FBXL17: variants seen among roughly 807,000 people sequenced by gnomAD.
FBXL17 encodes the protein F-box/LRR-repeat protein 17.
In FBXL17, 22 loss-of-function variants were observed where a neutral mutation model predicts 66.2. The observed-to-expected ratio is 0.33, with a 90% confidence interval of 0.24 to 0.47. The LOEUF (loss-of-function observed/expected upper bound fraction) is 0.47. Among genes scored for constraint, FBXL17 ranks in the 20% least tolerant of loss-of-function variants. The pLI is 1.00. For synonymous variants in FBXL17, 474 were observed against 400.5 expected (o/e 1.18, Z -2.19); for missense variants, 878 against 948.2 (o/e 0.93, Z 0.97).
chr5:108,149,073 T>C (rs907363169), intron 6 of FBXL17, among the ~76,000 whole-genome samples: 10 of 152,100 alleles, frequency 6.6e-5, no homozygotes, highest in African/African-American at 2.4e-4. Flanking sequence ...AAATGACAGG[T>C]TCTAATTATA....
intron 7 of FBXL17, among the ~76,000 whole-genome samples, chr5:107,938,534 A>C (rs1750985508): frequency 6.6e-6 from 1 of 152,162 alleles, no homozygotes; most frequent in African/African-American, 2.4e-5. Flanking sequence ...GATAAAAATA[A>C]ATACATTGTA....
chr5:108,175,356 G>A (rs905429748), intron 6 of FBXL17, among the ~76,000 whole-genome samples: 10 of 152,094 alleles, frequency 6.6e-5, no homozygotes, highest in African/African-American at 1.7e-4. Context: ...AGAGCCATGC[G>A]CTATAGATTC....
At chr5:107,951,125 C>G (rs1240517510) in intron 7 of FBXL17, among the ~76,000 whole-genome samples, 4 of 152,134 alleles carry the variant, frequency 2.6e-5, no homozygotes, top group African/African-American at 9.7e-5. Flanking sequence ...CAGGAGGTCA[C>G]AGGGTGCTGG....
chr5:108,074,628 C>A (rs753284520), intron 6 of FBXL17, among the ~76,000 whole-genome samples: 1 of 152,116 alleles, frequency 6.6e-6, no homozygotes. Flanking sequence ...AAGGAACACA[C>A]AAAAAAGGCA....
intron 4 of FBXL17, among the ~76,000 whole-genome samples, chr5:108,263,917 A>G (rs528103901): frequency 9.2e-5 from 14 of 152,264 alleles, no homozygotes; most frequent in South Asian, 4.1e-4. Context: ...TGCTTCTTTT[A>G]AAGAATCTCT....
At chr5:108,038,387 G>A (rs762843245) in intron 6 of FBXL17, among the ~76,000 whole-genome samples, 15 of 151,672 alleles carry the variant, frequency 9.9e-5, no homozygotes, top group Non-Finnish European at 1.9e-4. Context: ...GTTAAAATAC[G>A]CCAAAAAAAC....
chr5:108,347,387 C>T (rs572713926), intron 4 of FBXL17, among the ~76,000 whole-genome samples: 5 of 152,230 alleles, frequency 3.3e-5, no homozygotes, highest in South Asian at 2.1e-4. Flanking sequence ...ACTGTATGTA[C>T]GCTATTTTTC....
chr5:108,093,484 T>G (rs928270560), intron 6 of FBXL17, among the ~76,000 whole-genome samples: 2 of 152,140 alleles, frequency 1.3e-5, no homozygotes, highest in East Asian at 1.9e-4. Flanking sequence ...TAAAGAAGAT[T>G]TCCTTTGAAT....
intron 4 of FBXL17, among the ~76,000 whole-genome samples, chr5:108,320,962 C>T (rs865797916): frequency 2.0e-5 from 3 of 151,662 alleles, no homozygotes; most frequent in Non-Finnish European, 4.4e-5. Context: ...GCCAAATATC[C>T]GAAGTTAAAT....
At chr5:108,253,758 C>T (rs1266089765) in intron 4 of FBXL17, among the ~76,000 whole-genome samples, 1 of 151,994 alleles carries the variant, frequency 6.6e-6, no homozygotes, top group African/African-American at 2.4e-5. Flanking sequence ...TTTGGGAGGC[C>T]AAGGTGGATG....
intron 5 of FBXL17, among the ~76,000 whole-genome samples, chr5:108,209,129 T>C (rs1183984449): frequency 6.6e-6 from 1 of 152,200 alleles, no homozygotes; most frequent in Non-Finnish European, 1.5e-5. Context: ...TATTGGTGTA[T>C]AGGAATGCTT....
Position 107,950,359 on chromosome 5 carries a change from C to G in FBXL17, c.1823-69180G>C, listed in dbSNP as rs548337891. Among the ~76,000 whole-genome samples the G allele has an allele frequency of 3.2e-4, 49 of 151,972 alleles. 1 individual carries two copies. Among genetic ancestry groups the G allele is most frequent in the Non-Finnish European group, 8.8e-5 (6 of 68,002 alleles). ...AGTAATCTTTACAAATATCTTCTTG[C>G]CATTAGACTAAAAAAGTTTAATTGG... On this transcript the variant is annotated intron_variant, in intron 7 of 8. Transcript: ENST00000542267.
At chr5:108,073,370 T>C (rs1748415544) in intron 6 of FBXL17, among the ~76,000 whole-genome samples, 1 of 152,080 alleles carries the variant, frequency 6.6e-6, no homozygotes, top group African/African-American at 2.4e-5. Context: ...TCATGTTTCA[T>C]TTTATTTGTT....
At chr5:107,950,892 A>T (rs565958458) in intron 7 of FBXL17, among the ~76,000 whole-genome samples, 1 of 152,384 alleles carries the variant, frequency 6.6e-6, no homozygotes, top group South Asian at 2.1e-4. Context: ...TCACAGAGAG[A>T]TTCCAAATGT....
At chr5:108,380,467 G>C (rs1213561470) in intron 1 of FBXL17, among the ~76,000 whole-genome samples, 1 of 152,172 alleles carries the variant, frequency 6.6e-6, no homozygotes, top group Non-Finnish European at 1.5e-5. Flanking sequence ...CCTGAATGGT[G>C]GGTTATAGAG....
intron 7 of FBXL17, among the ~76,000 whole-genome samples, chr5:108,013,014 C>CAAAAAAAA (rs57393639): frequency 1.3e-5 from 1 of 79,378 alleles, no homozygotes; most frequent in African/African-American, 5.3e-5. Context: ...AACTCCGTCT[C>CAAAAAAAA]AAAAAAAAAA....
intron 7 of FBXL17, among the ~76,000 whole-genome samples, chr5:107,941,190 A>G (rs6882731): frequency 0.88 from 133,700 of 152,026 alleles, 59,168 homozygotes; most frequent in African/African-American, 0.93. Context: ...CAAGGTGTGT[A>G]CCAGGGTGCT....
In FBXL17 at chr5:108,381,401, AGAG is replaced by A. The variant is rs1749907235; in HGVS notation, c.288_290del (p.Ser97del). The A allele has an allele frequency of 6.8e-6, 9 of 1,325,998 alleles. No individual in the cohort carries two copies. The highest frequency in any genetic ancestry group is 2.8e-4 in the Middle Eastern group (1 of 3,556). 82.1% of individuals were successfully genotyped at this position (1,325,998 alleles called of 1,614,324 possible). On this transcript the variant is annotated inframe_deletion, in exon 1 of 9. Transcript: ENST00000542267. ...CCGCGTAGCGCCGCGCCAGGTGCTG[AGAG>A]GAGGAGGCGGCAGCGTAGGCCCCGT...
At chr5:108,170,882 G>T (rs944073946) in intron 6 of FBXL17, among the ~76,000 whole-genome samples, 3 of 152,144 alleles carry the variant, frequency 2.0e-5, no homozygotes, top group Admixed American at 6.5e-5. Flanking sequence ...CATAAATATA[G>T]TGGTGATTAT....
Sources: allele counts gnomAD v4.1 joint callset (sites outside exome capture counted in the v4.1 genomes callset), GRCh38; gene constraint gnomAD v4.1.1; transcripts MANE v1.5; gene names NCBI Gene and HGNC (gene_info 2026-07-23, HGNC 2026-07-21).